SIN3A: variants seen among roughly 807,000 people sequenced by gnomAD.
The protein encoded by SIN3A is paired amphipathic helix protein Sin3a.
Under a neutral mutation model 146.1 loss-of-function variants are expected in SIN3A, and 14 were observed. The observed-to-expected ratio is 0.10, with a 90% confidence interval of 0.06 to 0.15. SIN3A has a LOEUF of 0.15. Ranked by LOEUF, SIN3A falls within the 10% of genes least tolerant of loss-of-function variation. SIN3A has a pLI of 1.00. For synonymous variants in SIN3A, 572 were observed against 572.0 expected (o/e 1.00, Z 0.00); for missense variants, 1,028 against 1,576.0 (o/e 0.65, Z 5.89).
At chr15:75,436,801 G>A (rs543222768) in intron 1 of SIN3A, among the ~76,000 whole-genome samples, 2 of 151,760 alleles carry the variant, frequency 1.3e-5, no homozygotes, top group East Asian at 1.9e-4. Context: ...ATACAAACCA[G>A]CTCTTGAGTG....
At chr15:75,394,494 TA>T (rs2073267707) in intron 14 of SIN3A, among the ~76,000 whole-genome samples, 185 bp downstream of exon 14, 1 of 152,118 alleles carries the variant, frequency 6.6e-6, no homozygotes, top group African/African-American at 2.4e-5. Flanking sequence ...ACAGCTTAGG[TA>T]TAAAGGTATA....
At chr15:75,422,138 T>A in intron 3 of SIN3A, 1 of 173,656 alleles carries the variant, frequency 5.8e-6, no homozygotes, top group South Asian at 1.5e-4. Flanking sequence ...CCCAACACTT[T>A]CGAAGGCCAA....
chr15:75,430,111 TA>T (rs1402704030), intron 2 of SIN3A, 75 bp downstream of exon 2: 1 of 1,152,456 alleles, frequency 8.7e-7, no homozygotes, highest in South Asian at 1.4e-5. Flanking sequence ...AACACAGTAT[TA>T]AAAAAAGTTT....
intron 20 of SIN3A, among the ~76,000 whole-genome samples, chr15:75,374,618 T>G (rs528860747): frequency 6.6e-6 from 1 of 152,350 alleles, no homozygotes; most frequent in East Asian, 1.9e-4. Context: ...TTAGACAAAG[T>G]GATGTGGCCT....
intron 13 of SIN3A, among the ~76,000 whole-genome samples, chr15:75,395,701 C>A (rs964657799): frequency 6.6e-6 from 1 of 151,900 alleles, no homozygotes; most frequent in Non-Finnish European, 1.5e-5. Context: ...GAGTTAGAGG[C>A]CAGCCTGGGA....
chr15:75,430,163 G>C (rs754753912), intron 2 of SIN3A, 24 bp downstream of exon 2: 2 of 1,577,156 alleles, frequency 1.3e-6, no homozygotes, highest in African/African-American at 1.4e-5. Flanking sequence ...CCTCATTCTA[G>C]TCCCTTGGTT....
intron 2 of SIN3A, among the ~76,000 whole-genome samples, chr15:75,427,161 C>T (rs572914436): frequency 6.7e-6 from 1 of 149,462 alleles, no homozygotes; most frequent in East Asian, 2.0e-4. Flanking sequence ...TCACTTAAAA[C>T]CAGGAGTTTA....
At chr15:75,416,866 A>C (rs948907419) in intron 3 of SIN3A, among the ~76,000 whole-genome samples, 70 of 152,320 alleles carry the variant, frequency 4.6e-4, no homozygotes, top group African/African-American at 1.6e-3. Flanking sequence ...TGCTTTTTCT[A>C]GACTGTGGAT....
At chr15:75,372,342 T>G (rs1375216071) in intron 20 of SIN3A, 133 bp from the exon 21 acceptor site, 2 of 511,722 alleles carry the variant, frequency 3.9e-6, no homozygotes, top group Non-Finnish European at 6.7e-6. Flanking sequence ...CACTGTTTTT[T>G]TCTTAAAAGA....
At chr15:75,443,101 C>G (rs892439310) in intron 1 of SIN3A, among the ~76,000 whole-genome samples, 8 of 151,956 alleles carry the variant, frequency 5.3e-5, no homozygotes, top group African/African-American at 1.7e-4. Context: ...TACAGGTGCA[C>G]GCCACCATGC....
chr15:75,435,713 A>AAAG (rs1390276991), intron 1 of SIN3A, among the ~76,000 whole-genome samples: 1 of 151,916 alleles, frequency 6.6e-6, no homozygotes, highest in African/African-American at 2.4e-5. Flanking sequence ...AAAAAAAAAA[A>AAAG]AAGAAGAAGA....
intron 1 of SIN3A, among the ~76,000 whole-genome samples, chr15:75,444,013 A>G (rs143989464): frequency 0.016 from 2,396 of 152,328 alleles, 29 homozygotes; most frequent in Non-Finnish European, 0.023. Flanking sequence ...CCTCTTTAGC[A>G]TATTTGAGAA....
chr15:75,383,271 TAA>T (rs79340346), intron 17 of SIN3A, among the ~76,000 whole-genome samples: 71 of 128,966 alleles, frequency 5.5e-4, no homozygotes, highest in Admixed American at 4.7e-4. Context: ...GTCCCTGTCT[TAA>T]AAAAAAAAAA....
chr15:75,430,102 A>T, intron 2 of SIN3A, 85 bp downstream of exon 2: 2 of 982,776 alleles, frequency 2.0e-6, no homozygotes, highest in Non-Finnish European at 1.6e-6. Flanking sequence ...TTAATATCTA[A>T]CACAGTATTA....
At chr15:75,374,403 G>C (rs2072814750) in intron 20 of SIN3A, among the ~76,000 whole-genome samples, 1 of 152,188 alleles carries the variant, frequency 6.6e-6, no homozygotes, top group Non-Finnish European at 1.5e-5. Context: ...AATGCATAAA[G>C]TCTACAATGT....
chr15:75,379,883 T>A (rs1466960270), intron 19 of SIN3A, among the ~76,000 whole-genome samples: 1 of 152,244 alleles, frequency 6.6e-6, no homozygotes, highest in East Asian at 1.9e-4. Flanking sequence ...GTAGCAGGCC[T>A]AAGATTGCTA....
rs544412385 is a variant in SIN3A, at chr15:75,427,972, A to AAAAT, written c.189+2211_189+2214dup. On this transcript the variant is annotated intron_variant, in intron 2 of 20. Coordinates refer to ENST00000394947, the MANE Select transcript of SIN3A (RefSeq NM_001145358.2). ...GGTGATAAGAGCGAAACTCCATCTC[A>AAAAT]AAATAAATAAATAAATAAATAAATA... Among the ~76,000 whole-genome samples the AAAAT allele has an allele frequency of 9.4e-3, 1,422 of 151,906 alleles. 30 individuals are homozygous for AAAAT. Among genetic ancestry groups the AAAAT allele is most frequent in the Admixed American group, 0.054 (821 of 15,218 alleles).
chr15:75,377,624 C>CAAA (rs531657362), intron 19 of SIN3A, among the ~76,000 whole-genome samples: 2 of 109,444 alleles, frequency 1.8e-5, no homozygotes, highest in Admixed American at 9.7e-5. Context: ...GACTCTGCCT[C>CAAA]AAAAAAAAAA....
intron 14 of SIN3A, 115 bp from the exon 15 acceptor site, chr15:75,392,930 T>C: frequency 1.2e-6 from 1 of 837,982 alleles, no homozygotes; most frequent in Admixed American, 2.8e-5. Flanking sequence ...ATTTTTCTAA[T>C]CAAAAACTTA....
Sources: gnomAD v4.1 joint callset for allele counts (sites outside exome capture counted in the v4.1 genomes callset) on GRCh38, gnomAD v4.1.1 for gene constraint, MANE v1.5 for transcripts, NCBI Gene and HGNC (gene_info 2026-07-23, HGNC 2026-07-21) for gene names.